The following RAB12 variants were observed in gnomAD, a reference collection of about 807,000 sequenced individuals.
RAB12 encodes the protein RAB12, member RAS oncogene family.
RAB12 carries 11 observed loss-of-function variants against 28.4 expected under a neutral mutation model. That is an observed-to-expected ratio of 0.39 (90% CI 0.24 to 0.64). The LOEUF (loss-of-function observed/expected upper bound fraction) is 0.64. Ranked by LOEUF, RAB12 falls within the 30% of genes least tolerant of loss-of-function variation. RAB12 has a pLI of 0.50. For missense variants in RAB12, 276 were observed against 351.1 expected (o/e 0.79, Z 1.71); for synonymous variants, 138 against 145.3 (o/e 0.95, Z 0.36).
At chr18:8,628,827 G>T (rs935177555) in intron 2 of RAB12, among the ~76,000 whole-genome samples, 1 of 152,084 alleles carries the variant, frequency 6.6e-6, no homozygotes, top group African/African-American at 2.4e-5. Context: ...TAATTTCTCT[G>T]GTTTTGTGCC....
intron 1 of RAB12, among the ~76,000 whole-genome samples, chr18:8,621,328 T>G (rs998410023): frequency 6.6e-6 from 1 of 152,198 alleles, no homozygotes; most frequent in African/African-American, 2.4e-5. Flanking sequence ...TATAAGAAAG[T>G]TTTTAGAAAT....
At chr18:8,626,891 T>A (rs2096013020) in intron 2 of RAB12, among the ~76,000 whole-genome samples, 1 of 152,226 alleles carries the variant, frequency 6.6e-6, no homozygotes, top group South Asian at 2.1e-4. Context: ...ACGGAATGGT[T>A]GATTGCAAGT....
chr18:8,628,234 G>C (rs2096013950), intron 2 of RAB12, among the ~76,000 whole-genome samples: 1 of 152,284 alleles, frequency 6.6e-6, no homozygotes, highest in South Asian at 2.1e-4. Context: ...TTCTGAAAAG[G>C]AGAGATTTGT....
rs2148709101 is a variant in RAB12 at position 8,624,853 on chromosome 18, T to C, written c.515-85T>C. ...GGGTTTTCTTTTTTTCTGATAATGA[T>C]AACAAAATACACAAATAGGATTATT... On this transcript the variant is annotated intron_variant, in intron 1 of 5. Transcript: ENST00000649141. The C allele has an allele frequency of 8.8e-6, 8 of 913,574 alleles. No homozygotes were observed. The Middle Eastern group carries it at 9.7e-4, about 111-fold the overall frequency. The allele number at this position is 913,574 out of a possible 1,614,324, so 56.6% of individuals were successfully genotyped here.
intron 2 of RAB12, among the ~76,000 whole-genome samples, chr18:8,631,077 CG>C (rs2096015722): frequency 1.3e-5 from 2 of 152,108 alleles, no homozygotes; most frequent in African/African-American, 2.4e-5. Flanking sequence ...TTAGTAGAGA[CG>C]GGGGTTTCAC....
chr18:8,635,311 C>G (rs1381934973), intron 3 of RAB12: 1 of 378,122 alleles, frequency 2.6e-6, no homozygotes, highest in African/African-American at 2.1e-5. Flanking sequence ...CAGCCAAGAG[C>G]ATTGTGGTTC....
intron 1 of RAB12, among the ~76,000 whole-genome samples, chr18:8,620,941 A>G (rs1311491410): frequency 1.3e-5 from 2 of 152,166 alleles, no homozygotes; most frequent in East Asian, 3.9e-4. Flanking sequence ...CTAAGAAGAG[A>G]GAACAGCAAA....
At chr18:8,611,887 A>G (rs1462415037) in intron 1 of RAB12, among the ~76,000 whole-genome samples, 2 of 152,184 alleles carry the variant, frequency 1.3e-5, no homozygotes, top group African/African-American at 4.8e-5. Context: ...TATAATACTT[A>G]GAGTACTGGA....
Position 8,635,553 on chromosome 18 carries a change from G to A in RAB12, c.735G>A (p.Glu245=), listed in dbSNP as rs1345917507. ...CACAGTATGCTTCAGAAGATGCAGA[G>A]CTTCTCTTAGTTGGAAATAAGTTGG... The part of the protein sequence containing the change: ...MIDKYASEDA[E]LLLVGNKLDC... Residue 245 remains glutamate (E), a synonymous_variant, in exon 4 of 6, where the codon GAG becomes GAA. Transcript: ENST00000649141. 6.2e-7 allele frequency: 1 copy of A among 1,612,050 alleles called. No homozygotes were observed. The highest frequency in any genetic ancestry group is 8.5e-7 in the Non-Finnish European group (1 of 1,179,244).
chr18:8,623,626 T>A (rs2096011123), intron 1 of RAB12, among the ~76,000 whole-genome samples: 1 of 152,238 alleles, frequency 6.6e-6, no homozygotes. Flanking sequence ...ATGCAGAACC[T>A]GCTTCCTGGG....
intron 1 of RAB12, among the ~76,000 whole-genome samples, chr18:8,614,009 G>A (rs1294209311): frequency 6.6e-6 from 1 of 152,204 alleles, no homozygotes; most frequent in African/African-American, 2.4e-5. Flanking sequence ...TGCTCAGCAA[G>A]TGGTCAGGGC....
At position 8,635,403 on chromosome 18, in the gene RAB12, G is replaced by A. The variant is rs1221580252; in HGVS notation, c.715-130G>A. On this transcript the variant is annotated intron_variant, in intron 3 of 5. Coordinates refer to ENST00000649141, the MANE Select transcript of RAB12 (RefSeq NM_001025300.3). ...GCCCAGTCCTGCCTGGGAACTGGTA[G>A]AACCTCAAAGACAGTGGAAGTGAAT... 3.7e-5 allele frequency: 25 copies of A among 683,624 alleles called. No homozygotes were observed. In the East Asian group the frequency reaches 7.0e-4, roughly 19 times the overall value. The allele number at this position is 683,624 out of a possible 1,614,324, so 42.3% of individuals were successfully genotyped here.
rs71165796 is a variant in RAB12, at chr18:8,639,147, CTTTTTTT to C, written c.*924_*930del. ...ATTCTGATTAAGCCTAGACTGTGTTCTTTTTTTTTTTTTTTTTTTTTTTTTTTTTTTT... is the reference window on the plus strand; with the variant it reads ...ATTCTGATTAAGCCTAGACTGTGTTCTTTTTTTTTTTTTTTTTTTTTTTTT... On this transcript the variant is annotated 3_prime_UTR_variant, in exon 6 of 6. Transcript: ENST00000649141. 1.9e-4 allele frequency: 3 copies of C among 16,040 alleles called. No individual in the cohort carries two copies. The highest frequency in any genetic ancestry group is 2.6e-4 in the Non-Finnish European group (2 of 7,592). 1.0% of individuals were successfully genotyped at this position (16,040 alleles called of 1,614,324 possible). A position where few individuals can be genotyped will look rare whatever the true frequency, so the allele number is the denominator to read the frequency against.
At chr18:8,616,090 G>A (rs2096006538) in intron 1 of RAB12, among the ~76,000 whole-genome samples, 1 of 152,164 alleles carries the variant, frequency 6.6e-6, no homozygotes, top group Admixed American at 6.5e-5. Context: ...GCTTTGTACA[G>A]TAGTCATTCT....
intron 2 of RAB12, among the ~76,000 whole-genome samples, chr18:8,626,645 C>T (rs1411870401): frequency 6.6e-6 from 1 of 152,202 alleles, no homozygotes; most frequent in Admixed American, 6.5e-5. Flanking sequence ...GATAAGAGGG[C>T]CCTACCTGAT....
Position 8,638,334 on chromosome 18 carries a change from C to A in RAB12, c.*72C>A. The A allele has an allele frequency of 9.5e-7, 1 of 1,047,672 alleles. No individual in the cohort carries two copies. The highest frequency in any genetic ancestry group is 1.5e-6 in the Non-Finnish European group (1 of 682,238). The allele number at this position is 1,047,672 out of a possible 1,614,324, so 64.9% of individuals were successfully genotyped here. A position where few individuals can be genotyped will look rare whatever the true frequency, so the allele number is the denominator to read the frequency against. ...AAAACGTTCTATTCTGCACTACAAT[C>A]ATTTTGACAATTTCCTTTCGCACTT... is the stretch of plus-strand genomic sequence containing the variant. On this transcript the variant is annotated 3_prime_UTR_variant, in exon 6 of 6. Transcript: ENST00000649141.
intron 3 of RAB12, among the ~76,000 whole-genome samples, chr18:8,634,167 TGGTGACTCACAC>T (rs2096017550): frequency 1.0e-5 from 1 of 98,004 alleles, no homozygotes. Context: ...TGGCCAGGCA[TGGTGACTCACAC>T]CTGTAATCCC....
Position 8,638,572 on chromosome 18 carries a change from A to G in RAB12, c.*310A>G. The G allele has an allele frequency of 4.9e-6, 1 of 204,800 alleles. No homozygotes were observed. The highest frequency in any genetic ancestry group is 9.8e-6 in the Non-Finnish European group (1 of 101,748). The allele number at this position is 204,800 out of a possible 1,614,324, so 12.7% of individuals were successfully genotyped here. A position where few individuals can be genotyped will look rare whatever the true frequency, so the allele number is the denominator to read the frequency against. On this transcript the variant is annotated 3_prime_UTR_variant, in exon 6 of 6. Transcript: ENST00000649141. The stretch of plus-strand genomic sequence containing the variant: ...AATGTTTCTTGAAATAAATAATATA[A>G]TTGTCCTTATTAATTATATTATGAG...
Position 8,638,426 on chromosome 18 carries a change from G to T in RAB12, c.*164G>T, listed in dbSNP as rs1042514003. On this transcript the variant is annotated 3_prime_UTR_variant, in exon 6 of 6. Transcript: ENST00000649141. Reference sequence around the variant, plus strand: ...ATATATGCAATCCTGGGTAAGTTTTGGTTATAAGTTACCTATTTCCCTCCA... The same window carrying T: ...ATATATGCAATCCTGGGTAAGTTTTTGTTATAAGTTACCTATTTCCCTCCA... 6.8e-6 allele frequency: 4 copies of T among 585,292 alleles called. No individual in the cohort carries two copies. The highest frequency in any genetic ancestry group is 9.1e-6 in the Non-Finnish European group (3 of 328,790). The allele number at this position is 585,292 out of a possible 1,614,324, so 36.3% of individuals were successfully genotyped here. A position where few individuals can be genotyped will look rare whatever the true frequency, so the allele number is the denominator to read the frequency against.
Sources: gnomAD v4.1 joint callset for allele counts (sites outside exome capture counted in the v4.1 genomes callset) on GRCh38, gnomAD v4.1.1 for gene constraint, MANE v1.5 for transcripts, NCBI Gene and HGNC (gene_info 2026-07-23, HGNC 2026-07-21) for gene names.